The following SERPING1 variants were observed in gnomAD, a reference collection of about 807,000 sequenced individuals.
SERPING1 encodes the protein plasma protease C1 inhibitor.
Under a neutral mutation model 34.1 loss-of-function variants are expected in SERPING1, and 5 were observed. That is an observed-to-expected ratio of 0.15 (90% CI 0.08 to 0.31). SERPING1 has a LOEUF of 0.31. Among genes scored for constraint, SERPING1 ranks in the 10% least tolerant of loss-of-function variants. The probability of loss-of-function intolerance (pLI) is 1.00; values close to 1 mark genes in which losing one functional copy is unlikely to be tolerated. For synonymous variants in SERPING1, 225 were observed against 242.4 expected (o/e 0.93, Z 0.67); for missense variants, 505 against 609.5 (o/e 0.83, Z 1.81).
In SERPING1 at chr11:57,611,740, C is replaced by A. The variant is rs1214891136; in HGVS notation, c.1053C>A (p.His351Gln). 6.2e-7 allele frequency: 1 copy of A among 1,614,064 alleles called. No homozygotes were observed. Among genetic ancestry groups the A allele is most frequent in the African/African-American group, 1.3e-5 (1 of 74,924 alleles). ...KAKVGQLQLS[H>Q]NLSLVILVPQ... is the part of the protein sequence containing the mutation. ...AGGTGGGGCAGCTGCAGCTCTCCCA[C>A]AATCTGAGTTTGGTGATCCTGGTAC... Residue 351 changes from histidine (H) to glutamine (Q), a missense_variant, in exon 7 of 8, where the codon CAC (histidine) becomes CAA (glutamine). His to Gln is a conservative substitution (Grantham distance 24, BLOSUM62 0). Coordinates refer to ENST00000278407, the MANE Select transcript of SERPING1 (RefSeq NM_000062.3).
intron 6 of SERPING1, among the ~76,000 whole-genome samples, chr11:57,609,243 A>C (rs564656414): frequency 3.9e-5 from 6 of 151,952 alleles, no homozygotes; most frequent in Non-Finnish European, 5.9e-5. Context: ...GCGCCACTGC[A>C]CTCCAACCTG....
Position 57,599,859 on chromosome 11 carries a change from C to T in SERPING1, c.52-20C>T. 1 of 1,614,152 alleles carries T rather than the reference C, an allele frequency of 6.2e-7. No homozygotes were observed. Among genetic ancestry groups the T allele is most frequent in the African/African-American group, 1.3e-5 (1 of 75,038 alleles). ...GCCTCGTAGTAAGAAAAAAATGAAA[C>T]TCAGTTTCTTGAACCACAGGATAGA... is the stretch of plus-strand genomic sequence containing the variant. On this transcript the variant is annotated intron_variant, in intron 2 of 7. Coordinates refer to ENST00000278407, the MANE Select transcript of SERPING1 (RefSeq NM_000062.3).
chr11:57,602,060 C>G lies in SERPING1; in HGVS notation c.576C>G (p.Asn192Lys). Residue 192 changes from asparagine (N) to lysine (K), a missense_variant, in exon 4 of 8, where the codon AAC becomes AAG. By Grantham distance (94) the Asn-to-Lys change is moderately conservative. Transcript: ENST00000278407. ...GGGCTGGGGAGAACACCAAAACAAACCTGGAGAGCATCCTCTCTTACCCCA... is the reference window on the plus strand; with the variant it reads ...GGGCTGGGGAGAACACCAAAACAAAGCTGGAGAGCATCCTCTCTTACCCCA... Reference protein sequence around the residue: ...LLGAGENTKTNLESILSYPKD... With the variant: ...LLGAGENTKTKLESILSYPKD... 1 of 1,614,108 alleles carries G rather than the reference C, an allele frequency of 6.2e-7. No individual in the cohort carries two copies. Among genetic ancestry groups the G allele is most frequent in the Non-Finnish European group, 8.5e-7 (1 of 1,180,022 alleles).
chr11:57,610,012 C>T (rs1945461457), intron 6 of SERPING1, among the ~76,000 whole-genome samples: 1 of 152,218 alleles, frequency 6.6e-6, no homozygotes, highest in South Asian at 2.1e-4. Flanking sequence ...ACACCTAAAG[C>T]TCACTTGTAA....
rs1565173996 is a variant in SERPING1 at position 57,614,305 on chromosome 11, G to C, written c.1250-23G>C. On this transcript the variant is annotated intron_variant, in intron 7 of 7. Transcript: ENST00000278407. ...GGGTATCATGCTGGCTTCTGACTCT[G>C]TTTTTCTCTGGTTTTGCCCTAGAAT... The C allele has an allele frequency of 1.9e-6, 3 of 1,612,310 alleles. No homozygotes were observed. In the Admixed American group the frequency reaches 5.0e-5, roughly 27 times the overall value.
In SERPING1 at chr11:57,601,988, C is replaced by T. The variant is rs1279868384; in HGVS notation, c.551-47C>T. On this transcript the variant is annotated intron_variant, in intron 3 of 7. Transcript: ENST00000278407. ...CCCAACCCTCATTCCCAAGGAAGGC[C>T]CCCGACTCATCCTGCAAGTATCTTT... 5.6e-6 allele frequency: 9 copies of T among 1,613,190 alleles called. No homozygotes were observed. The South Asian group carries it at 7.7e-5, about 14-fold the overall frequency.
In SERPING1 at chr11:57,614,605, G is replaced by C; in HGVS notation, c.*24G>C. ...GAGACCTGCAGGATCAGGTTAGGGC[G>C]AGCGCTACCTCTCCAGCCTCAGCTC... is the stretch of plus-strand genomic sequence containing the variant. On this transcript the variant is annotated 3_prime_UTR_variant, in exon 8 of 8. Coordinates refer to ENST00000278407, the MANE Select transcript of SERPING1 (RefSeq NM_000062.3). 1 of 1,609,660 alleles carries C rather than the reference G, an allele frequency of 6.2e-7. No individual in the cohort carries two copies. Among genetic ancestry groups the C allele is most frequent in the South Asian group, 1.1e-5 (1 of 90,842 alleles).
intron 4 of SERPING1, among the ~76,000 whole-genome samples, chr11:57,604,876 G>T (rs1006000894): frequency 2.0e-5 from 3 of 151,868 alleles, no homozygotes; most frequent in African/African-American, 7.3e-5. Flanking sequence ...TGTGGTACGT[G>T]TCTGTAGTTC....
At chr11:57,605,982 A>T in intron 4 of SERPING1, 28 bp from the exon 5 acceptor site, 1 of 1,602,638 alleles carries the variant, frequency 6.2e-7, no homozygotes, top group Non-Finnish European at 8.5e-7. Context: ...TTCAGGACTC[A>T]TGCCTCCCTT....
intron 6 of SERPING1, chr11:57,606,939 A>G: frequency 2.4e-6 from 1 of 417,458 alleles, no homozygotes; most frequent in Non-Finnish European, 4.7e-6. Context: ...GTATAAGTAT[A>G]TCCTTGTATA....
In SERPING1 at chr11:57,598,236, G is replaced by T. The variant is rs772664522; in HGVS notation, c.-22-13G>T. 9 of 1,539,650 alleles carry T rather than the reference G, an allele frequency of 5.8e-6. No individual in the cohort carries two copies. Among genetic ancestry groups the T allele is most frequent in the Non-Finnish European group, 7.9e-6 (9 of 1,139,324 alleles). The stretch of plus-strand genomic sequence containing the variant: ...AGGGTGGGAGCTGGCTCCGAGGCTG[G>T]CTGGCTCCGCAGGTCCGCTGACGTC... On this transcript the variant is annotated splice_polypyrimidine_tract_variant and intron_variant, in intron 1 of 7. Coordinates refer to ENST00000278407, the MANE Select transcript of SERPING1 (RefSeq NM_000062.3).
intron 6 of SERPING1, among the ~76,000 whole-genome samples, chr11:57,609,667 TA>T (rs2135322169): frequency 6.6e-6 from 1 of 152,318 alleles, no homozygotes; most frequent in South Asian, 2.1e-4. Flanking sequence ...TAAACTCCTT[TA>T]AACCATTTTT....
intron 3 of SERPING1, 56 bp from the exon 4 acceptor site, chr11:57,601,979 A>G: frequency 6.2e-7 from 1 of 1,610,432 alleles, no homozygotes; most frequent in Non-Finnish European, 8.5e-7. Context: ...CCTCATTCCC[A>G]AGGAAGGCCC....
At chr11:57,604,224 A>T (rs1053860633) in intron 4 of SERPING1, among the ~76,000 whole-genome samples, 5 of 151,812 alleles carry the variant, frequency 3.3e-5, no homozygotes, top group African/African-American at 1.2e-4. Context: ...TAGACAAAAA[A>T]TTTTTTTGCT....
At chr11:57,611,005 G>A (rs879470062) in intron 6 of SERPING1, among the ~76,000 whole-genome samples, 6 of 152,008 alleles carry the variant, frequency 3.9e-5, no homozygotes, top group African/African-American at 7.3e-5. Context: ...CATGATCTCG[G>A]CTCACTGCAG....
intron 3 of SERPING1, among the ~76,000 whole-genome samples, 153 bp from the exon 4 acceptor site, chr11:57,601,878 AAAAG>A (rs1186626788): frequency 6.7e-6 from 1 of 150,132 alleles, no homozygotes. Context: ...AAAAAAAAAA[AAAAG>A]AGAGATTGAG....
chr11:57,612,999 G>A (rs887831828), intron 7 of SERPING1, among the ~76,000 whole-genome samples: 3 of 151,946 alleles, frequency 2.0e-5, no homozygotes, highest in Admixed American at 1.3e-4. Flanking sequence ...CACCCACCTC[G>A]GCTTCCCAAA....
At chr11:57,605,979 C>T in intron 4 of SERPING1, 31 bp from the exon 5 acceptor site, 1 of 1,595,278 alleles carries the variant, frequency 6.3e-7, no homozygotes, top group African/African-American at 1.3e-5. Context: ...GTGTTCAGGA[C>T]TCATGCCTCC....
In SERPING1 at chr11:57,598,301, C is replaced by T. The variant is rs1945310592; in HGVS notation, c.31C>T (p.Leu11=). The T allele has an allele frequency of 1.3e-6, 2 of 1,521,814 alleles. No homozygotes were observed. 94.3% of individuals were successfully genotyped at this position (1,521,814 alleles called of 1,614,324 possible). The change falls in exon 2 of 8, where the codon CTG becomes TTG. Residue 11 remains leucine, a synonymous_variant. Transcript: ENST00000278407. Reference sequence around the variant, plus strand: ...CTCCAGGCTGACCCTGCTGACCCTCCTGCTGCTGCTGCTGGCTGGGGTATG... The same window carrying T: ...CTCCAGGCTGACCCTGCTGACCCTCTTGCTGCTGCTGCTGGCTGGGGTATG... MASRLTLLTL[L]LLLLAGDRAS...
Sources: gnomAD v4.1 joint callset for allele counts (sites outside exome capture counted in the v4.1 genomes callset) on GRCh38, gnomAD v4.1.1 for gene constraint, MANE v1.5 for transcripts, NCBI Gene and HGNC (gene_info 2026-07-23, HGNC 2026-07-21) for gene names.